SPATA13: variants seen among roughly 807,000 people sequenced by gnomAD.
SPATA13 encodes spermatogenesis-associated protein 13.
A neutral mutation model predicts 104.0 loss-of-function variants in SPATA13; 50 were observed. The observed-to-expected ratio is 0.48, with a 90% CI of 0.38 to 0.61. The LOEUF is 0.61. SPATA13 is among the 20% of genes least tolerant of loss of function. The pLI is 0.00. For synonymous variants in SPATA13, 606 were observed against 667.5 expected, an observed-to-expected ratio of 0.91 and a Z score of 1.42; for missense variants, 1,524 against 1,690.6, an observed-to-expected ratio of 0.90 and a Z score of 1.73.
chr13:24,118,508 C>G (rs975318957), intron 3 of SPATA13, among the ~76,000 whole-genome samples: 4 of 152,130 alleles, frequency 2.6e-5, no homozygotes, highest in African/African-American at 9.7e-5. Context: ...GTGGCTCATT[C>G]ATTCCAAGCT....
chr13:24,172,827 T>A (rs919756152), intron 1 of SPATA13, among the ~76,000 whole-genome samples: 1 of 152,222 alleles, frequency 6.6e-6, no homozygotes, highest in Non-Finnish European at 1.5e-5. Flanking sequence ...CTTTCTGTAT[T>A]AATGTTAGAA....
At chr13:24,238,437 G>A (rs955060356) in intron 2 of SPATA13, among the ~76,000 whole-genome samples, 11 of 152,140 alleles carry the variant, frequency 7.2e-5, no homozygotes, top group East Asian at 1.9e-4. Flanking sequence ...GATTACAGGC[G>A]TGAGCCACTG....
intron 4 of SPATA13, among the ~76,000 whole-genome samples, chr13:24,263,521 T>A (rs547738485): frequency 6.6e-6 from 1 of 152,314 alleles, no homozygotes; most frequent in African/African-American, 2.4e-5. Flanking sequence ...TGTGCAAAAG[T>A]CCCTGATATA....
chr13:24,232,567 G>T (rs1472215651), intron 2 of SPATA13, among the ~76,000 whole-genome samples: 2 of 152,000 alleles, frequency 1.3e-5, no homozygotes, highest in African/African-American at 4.8e-5. Flanking sequence ...TTTGAGACAG[G>T]GTCTCACTCT....
chr13:24,150,547 A>T (rs1882068530), intron 3 of SPATA13, among the ~76,000 whole-genome samples: 3 of 152,082 alleles, frequency 2.0e-5, no homozygotes, highest in African/African-American at 7.2e-5. Flanking sequence ...ATAAATATTG[A>T]TTGATTTTTT....
chr13:24,036,860 C>T (rs961560288), intron 3 of SPATA13, among the ~76,000 whole-genome samples: 2 of 152,068 alleles, frequency 1.3e-5, no homozygotes, highest in East Asian at 1.9e-4. Context: ...ACTGCAACCT[C>T]CACCTCCTGG....
At chr13:24,209,693 A>G (rs947765381) in intron 1 of SPATA13, among the ~76,000 whole-genome samples, 10 of 152,212 alleles carry the variant, frequency 6.6e-5, no homozygotes, top group South Asian at 6.2e-4. Flanking sequence ...TCAATTGCGT[A>G]TCTTGGCTAC....
intron 3 of SPATA13, among the ~76,000 whole-genome samples, chr13:24,112,960 C>G (rs1210663605): frequency 6.6e-6 from 1 of 152,168 alleles, no homozygotes; most frequent in Non-Finnish European, 1.5e-5. Flanking sequence ...CTAGCAGACT[C>G]AACAGGAGGG....
At chr13:24,226,042 A>G (rs1320979766) in intron 2 of SPATA13, among the ~76,000 whole-genome samples, 1 of 152,206 alleles carries the variant, frequency 6.6e-6, no homozygotes, top group Non-Finnish European at 1.5e-5. Context: ...GCAGGCAGGT[A>G]GTCCCAATGA....
intron 3 of SPATA13, among the ~76,000 whole-genome samples, chr13:24,096,763 G>A (rs926426975): frequency 2.0e-5 from 3 of 152,148 alleles, no homozygotes; most frequent in Non-Finnish European, 4.4e-5. Context: ...CCCCAGGGCA[G>A]AGCCCTGCAG....
At chr13:24,244,368 A>G (rs947921523) in intron 2 of SPATA13, among the ~76,000 whole-genome samples, 2 of 152,252 alleles carry the variant, frequency 1.3e-5, no homozygotes, top group Admixed American at 6.5e-5. Flanking sequence ...CTGAATGGAT[A>G]TAAGAGAAAT....
At chr13:24,055,865 G>A (rs535542912) in intron 3 of SPATA13, among the ~76,000 whole-genome samples, 1 of 152,210 alleles carries the variant, frequency 6.6e-6, no homozygotes, top group Non-Finnish European at 1.5e-5. Flanking sequence ...ATCCACCACC[G>A]CACGGGTCCA....
At chr13:24,257,742 T>C (rs181566896) in intron 4 of SPATA13, among the ~76,000 whole-genome samples, 29 of 152,222 alleles carry the variant, frequency 1.9e-4, no homozygotes, top group African/African-American at 6.7e-4. Context: ...GTAATACGAA[T>C]TGCTAGCAGG....
At chr13:24,091,660 A>G (rs1310518168) in intron 3 of SPATA13, among the ~76,000 whole-genome samples, 1 of 152,116 alleles carries the variant, frequency 6.6e-6, no homozygotes, top group African/African-American at 2.4e-5. Flanking sequence ...AAAATACACA[A>G]AGTAGCTAAG....
intron 3 of SPATA13, among the ~76,000 whole-genome samples, chr13:24,136,759 G>A (rs1025532935): frequency 6.6e-6 from 1 of 152,188 alleles, no homozygotes; most frequent in African/African-American, 2.4e-5. Flanking sequence ...GAGTGTGAAT[G>A]GATAAATGGA....
intron 3 of SPATA13, among the ~76,000 whole-genome samples, chr13:24,053,241 A>G (rs1829416144): frequency 6.6e-6 from 1 of 152,134 alleles, no homozygotes; most frequent in Admixed American, 6.5e-5. Flanking sequence ...GTTAGCATAG[A>G]GTTTCAGAGC....
At chr13:24,032,977 T>C (rs139527040) in intron 3 of SPATA13, among the ~76,000 whole-genome samples, 299 of 152,368 alleles carry the variant, frequency 2.0e-3, no homozygotes, top group African/African-American at 7.0e-3. Flanking sequence ...TTTGGGTAGA[T>C]TGGAAAGGTT....
At chr13:24,142,256 A>C (rs1210065410) in intron 3 of SPATA13, among the ~76,000 whole-genome samples, 1 of 152,102 alleles carries the variant, frequency 6.6e-6, no homozygotes, top group Non-Finnish European at 1.5e-5. Context: ...ATGCATACAA[A>C]GACTATCTAC....
At chr13:24,186,202 G>A (rs1484422482) in intron 1 of SPATA13, among the ~76,000 whole-genome samples, 1 of 152,168 alleles carries the variant, frequency 6.6e-6, no homozygotes, top group Non-Finnish European at 1.5e-5. Flanking sequence ...GAATGTTACG[G>A]TTCACAGGGG....
Sources: allele counts gnomAD v4.1 joint callset (sites outside exome capture counted in the v4.1 genomes callset), GRCh38; gene constraint gnomAD v4.1.1; transcripts MANE v1.5; gene names NCBI Gene and HGNC (gene_info 2026-07-23, HGNC 2026-07-21).